BPHL: variants seen among roughly 807,000 people sequenced by gnomAD.
BPHL encodes the protein biphenyl hydrolase like.
In BPHL, 27 loss-of-function variants were observed where a neutral mutation model predicts 31.2. The observed-to-expected ratio is 0.87, with a 90% CI of 0.64 to 1.19. BPHL has a LOEUF of 1.19. BPHL is among the 50% of genes most tolerant of loss of function. BPHL has a pLI of 0.00. For missense variants in BPHL, 356 were observed against 375.7 expected (o/e 0.95, Z 0.43); for synonymous variants, 150 against 146.8 (o/e 1.02, Z -0.16).
intron 6 of BPHL, among the ~76,000 whole-genome samples, chr6:3,144,320 G>A (rs1043168807): frequency 6.6e-6 from 1 of 151,350 alleles, no homozygotes; most frequent in Non-Finnish European, 1.5e-5. Context: ...ACCCGCCTCG[G>A]CCTCCCAAAG....
rs774388296 is a variant in BPHL at position 3,140,559 on chromosome 6, T to G, written c.788+50T>G. On this transcript the variant is annotated intron_variant, in intron 6 of 6. Transcript: ENST00000380379. The surrounding 1 kb of genome is among the most constrained non-coding windows in gnomAD (Gnocchi z 5.2). ...CTCCCCCCGAGAGCCTCGGAGTCAA[T>G]GGGCAAAGCTACTGGAAGGAAAATA... 1 of 1,604,548 alleles carries G rather than the reference T, an allele frequency of 6.2e-7. No individual in the cohort carries two copies. The highest frequency in any genetic ancestry group is 2.2e-5 in the East Asian group (1 of 44,730).
In BPHL at chr6:3,149,278, T is replaced by C. The variant is rs1762460519; in HGVS notation, c.789-3210T>C. On this transcript the variant is annotated intron_variant, in intron 6 of 6. Coordinates refer to ENST00000380379, the MANE Select transcript of BPHL (RefSeq NM_004332.4). This position sits in a 1 kb window ranked among gnomAD's most constrained non-coding sequence, Gnocchi z 4.6. Reference sequence around the variant, plus strand: ...CATCCAAATGTCACAGGAAGAAAGCTTTCCTGCAGTCCAGGGCCCGACTAG... The same window carrying C: ...CATCCAAATGTCACAGGAAGAAAGCCTTCCTGCAGTCCAGGGCCCGACTAG... 6.6e-6 allele frequency among the ~76,000 whole-genome samples: 1 copy of C among 152,120 alleles called. No homozygotes were observed. Among genetic ancestry groups the C allele is most frequent in the Non-Finnish European group, 1.5e-5 (1 of 68,026 alleles).
In BPHL at chr6:3,149,399, T is replaced by A. The variant is rs1183100127; in HGVS notation, c.789-3089T>A. 6.6e-6 allele frequency among the ~76,000 whole-genome samples: 1 copy of A among 152,104 alleles called. No individual in the cohort carries two copies. The highest frequency in any genetic ancestry group is 1.5e-5 in the Non-Finnish European group (1 of 68,010). On this transcript the variant is annotated intron_variant, in intron 6 of 6. Coordinates refer to ENST00000380379, the MANE Select transcript of BPHL (RefSeq NM_004332.4). The surrounding 1 kb of genome is among the most constrained non-coding windows in gnomAD (Gnocchi z 4.6). The stretch of plus-strand genomic sequence containing the variant: ...GCCCGAGGGTCCTCTAGCAGCCCAC[T>A]TCAAGCCGCCACACTGCCCAGAAAG...
chr6:3,143,666 T>C (rs184976808), intron 6 of BPHL, among the ~76,000 whole-genome samples: 19 of 152,356 alleles, frequency 1.2e-4, no homozygotes, highest in Non-Finnish European at 1.5e-4. Context: ...ACAGCGGTCG[T>C]AATAGATTAG....
chr6:3,145,924 G>C lies in BPHL; in HGVS notation c.788+5415G>C, dbSNP rs540793785. On this transcript the variant is annotated intron_variant, in intron 6 of 6. Coordinates refer to ENST00000380379, the MANE Select transcript of BPHL (RefSeq NM_004332.4). ...GAGTGCTGGTTTGGGTTGGAGTGCT[G>C]GTTCGGGTTGGAGTGCTGGTTCCAG... Among the ~76,000 whole-genome samples the C allele has an allele frequency of 1.3e-3, 101 of 75,972 alleles. 5 individuals carry two copies. The South Asian group carries it at 0.026, about 19-fold the overall frequency. The allele number at this position is 75,972 out of a possible 152,430, so 49.8% of individuals were successfully genotyped here. A position where few individuals can be genotyped will look rare whatever the true frequency, so the allele number is the denominator to read the frequency against.
At chr6:3,123,811 G>A (rs1212881411) in intron 2 of BPHL, 51 bp downstream of exon 2, 3 of 1,446,482 alleles carry the variant, frequency 2.1e-6, no homozygotes, top group African/African-American at 2.8e-5. Context: ...AATCTATGAT[G>A]CATTCACAAT....
At chr6:3,129,353 T>C (rs1397377866) in intron 4 of BPHL, among the ~76,000 whole-genome samples, 155 bp downstream of exon 4, 1 of 152,268 alleles carries the variant, frequency 6.6e-6, no homozygotes, top group Non-Finnish European at 1.5e-5. Flanking sequence ...AGAAAAGTAA[T>C]GCAGTTTAAC....
intron 1 of BPHL, 108 bp downstream of exon 1, chr6:3,118,955 G>C (rs761941014): frequency 2.3e-4 from 222 of 960,576 alleles, no homozygotes; most frequent in South Asian, 9.6e-4. Context: ...GGCACGGGGC[G>C]TGGGCGCGGC....
intron 1 of BPHL, among the ~76,000 whole-genome samples, chr6:3,121,285 C>A (rs1335096964): frequency 7.0e-6 from 1 of 143,124 alleles, no homozygotes. Flanking sequence ...ATGATAATAG[C>A]AGTTTCTTTT....
intron 4 of BPHL, among the ~76,000 whole-genome samples, chr6:3,134,455 T>C (rs1377034060): frequency 6.6e-6 from 1 of 150,548 alleles, no homozygotes; most frequent in Non-Finnish European, 1.5e-5. Context: ...TTTTTTTTTT[T>C]TGAGACAGGG....
intron 1 of BPHL, among the ~76,000 whole-genome samples, chr6:3,120,814 C>T (rs1761548198): frequency 6.6e-6 from 1 of 152,300 alleles, no homozygotes; most frequent in Admixed American, 6.5e-5. Context: ...CAAGTTCAAC[C>T]TTGGGATGCC....
At chr6:3,120,138 A>G (rs1761524789) in intron 1 of BPHL, among the ~76,000 whole-genome samples, 1 of 151,932 alleles carries the variant, frequency 6.6e-6, no homozygotes, top group South Asian at 2.1e-4. Flanking sequence ...GGTTTAAGCG[A>G]TTCTCGTGGC....
intron 4 of BPHL, among the ~76,000 whole-genome samples, chr6:3,132,387 A>G (rs1054767268): frequency 6.6e-6 from 1 of 151,844 alleles, no homozygotes; most frequent in Non-Finnish European, 1.5e-5. Context: ...CTGCTCCCCC[A>G]TGTGGGCCAC....
At chr6:3,118,938 G>A in intron 1 of BPHL, 91 bp downstream of exon 1, 1 of 1,084,258 alleles carries the variant, frequency 9.2e-7, no homozygotes, top group Non-Finnish European at 1.2e-6. Flanking sequence ...GGAGTTCCCG[G>A]CGCGCGGGCA....
chr6:3,141,840 G>A (rs879759377), intron 6 of BPHL, among the ~76,000 whole-genome samples: 3 of 151,950 alleles, frequency 2.0e-5, no homozygotes, highest in Admixed American at 6.5e-5. Flanking sequence ...CGGGCATGGT[G>A]GCGGGTGCCT....
chr6:3,134,665 T>C (rs12333281), intron 4 of BPHL, among the ~76,000 whole-genome samples: 14,802 of 149,454 alleles, frequency 0.099, 1,935 homozygotes, highest in African/African-American at 0.3. Flanking sequence ...CGCAGTGGCG[T>C]GATCTCGGCT....
intron 3 of BPHL, among the ~76,000 whole-genome samples, chr6:3,127,761 A>T (rs1236729284): frequency 6.6e-6 from 1 of 151,924 alleles, no homozygotes; most frequent in Non-Finnish European, 1.5e-5. Context: ...CATTTATACT[A>T]GTTGTATGAT....
In BPHL at chr6:3,140,357, G is replaced by T. The variant is rs1561796701; in HGVS notation, c.665-29G>T. ...GACCGCGTAGAATGGTTGCACTAAA[G>T]CAGATTCCTCGTGCTGTGTATCCGT... On this transcript the variant is annotated intron_variant, in intron 5 of 6. Transcript: ENST00000380379. The surrounding 1 kb of genome is among the most constrained non-coding windows in gnomAD (Gnocchi z 5.2). 1.2e-6 allele frequency: 2 copies of T among 1,613,736 alleles called. No individual in the cohort carries two copies. Among genetic ancestry groups the T allele is most frequent in the South Asian group, 2.2e-5 (2 of 91,006 alleles).
intron 6 of BPHL, among the ~76,000 whole-genome samples, chr6:3,151,648 T>G (rs1458876491): frequency 6.6e-6 from 1 of 152,248 alleles, no homozygotes; most frequent in Non-Finnish European, 1.5e-5. Flanking sequence ...TAATTATCAT[T>G]GTAGACAAAG....
Sources: allele counts gnomAD v4.1 joint callset (sites outside exome capture counted in the v4.1 genomes callset), GRCh38; gene constraint gnomAD v4.1.1; non-coding constraint Gnocchi (gnomAD v3.1); transcripts MANE v1.5; gene names NCBI Gene and HGNC (gene_info 2026-07-23, HGNC 2026-07-21).